Variants in GASK1A observed in about 807,000 individuals in gnomAD.
GASK1A encodes the protein golgi associated kinase 1A, also known as Golgi-associated kinase 1A.
In GASK1A, 40 loss-of-function variants were observed where a neutral mutation model predicts 41.2. That is an observed-to-expected ratio of 0.97 (90% CI 0.75 to 1.27). The LOEUF (loss-of-function observed/expected upper bound fraction) is 1.27, where lower values mean the gene tolerates loss of function less well. GASK1A is among the 50% of genes most tolerant of loss of function. The pLI is 0.00. For missense variants in GASK1A, 678 were observed against 745.1 expected (o/e 0.91, Z 1.05); for synonymous variants, 316 against 307.1 (o/e 1.03, Z -0.30).
chr3:43,037,613 AC>A (rs1212108557), intron 2 of GASK1A, among the ~76,000 whole-genome samples: 1 of 34,446 alleles, frequency 2.9e-5, no homozygotes. Context: ...TTTAAATGAT[AC>A]ATTTTTAATT....
intron 1 of GASK1A, among the ~76,000 whole-genome samples, chr3:42,985,220 A>G (rs1280975040): frequency 6.6e-6 from 1 of 152,174 alleles, no homozygotes; most frequent in East Asian, 1.9e-4. Context: ...ACTCGGTTAT[A>G]GGGGCCTCAC....
intron 1 of GASK1A, among the ~76,000 whole-genome samples, chr3:42,983,835 A>AC (rs1281108230): frequency 6.6e-6 from 1 of 152,170 alleles, no homozygotes; most frequent in African/African-American, 2.4e-5. Flanking sequence ...TAAAGAATCT[A>AC]CTGGCCCCAA....
At position 42,979,637 on chromosome 3, in the gene GASK1A, G is replaced by A. The variant is rs772362918; in HGVS notation, c.-6G>A. The A allele has an allele frequency of 1.8e-5, 23 of 1,244,726 alleles. No individual in the cohort carries two copies. Among genetic ancestry groups the A allele is most frequent in the African/African-American group, 4.7e-5 (3 of 64,454 alleles). The allele number at this position is 1,244,726 out of a possible 1,614,324, so 77.1% of individuals were successfully genotyped here. Reference sequence around the variant, plus strand: ...CCGAGGAGCCGGCCGGGGCACCGCCGGGGACATGGTAGGACTCGCGGGAAG... The same window carrying A: ...CCGAGGAGCCGGCCGGGGCACCGCCAGGGACATGGTAGGACTCGCGGGAAG... On this transcript the variant is annotated 5_prime_UTR_variant, in exon 1 of 5. Transcript: ENST00000430121.
chr3:43,022,251 A>G (rs1007985527), intron 1 of GASK1A, among the ~76,000 whole-genome samples: 4 of 151,882 alleles, frequency 2.6e-5, no homozygotes, highest in African/African-American at 9.7e-5. Flanking sequence ...TTCTTTTCCC[A>G]AAGCTTTACT....
chr3:42,990,147 GACTTTTGTCTATGTTGGGCAACATAA>G (rs552679525), intron 1 of GASK1A, among the ~76,000 whole-genome samples: 26 of 152,038 alleles, frequency 1.7e-4, no homozygotes, highest in Non-Finnish European at 3.2e-4. Flanking sequence ...GGGCAACATA[GACTTTTGTCTATGTTGGGCAACATAA>G]ACTTATGTAG....
intron 1 of GASK1A, among the ~76,000 whole-genome samples, chr3:43,009,673 C>T (rs777458011): frequency 6.6e-6 from 1 of 152,194 alleles, no homozygotes; most frequent in Non-Finnish European, 1.5e-5. Flanking sequence ...TATCTGGAGG[C>T]AACATCCTTC....
At chr3:43,047,958 G>A (rs971842589) in intron 2 of GASK1A, among the ~76,000 whole-genome samples, 2 of 152,130 alleles carry the variant, frequency 1.3e-5, no homozygotes, top group African/African-American at 4.8e-5. Flanking sequence ...TAGCTTACTG[G>A]TCTGGCGGCA....
intron 1 of GASK1A, among the ~76,000 whole-genome samples, chr3:43,002,231 C>T (rs997035631): frequency 6.6e-5 from 10 of 152,098 alleles, no homozygotes; most frequent in Admixed American, 6.5e-4. Context: ...TCCAACTCTG[C>T]GGTTTTATTT....
rs750955641 is a variant in GASK1A at position 43,053,509 on chromosome 3, G to A, written c.1291-12G>A. The A allele has an allele frequency of 1.3e-6, 2 of 1,530,478 alleles. No individual in the cohort carries two copies. The highest frequency in any genetic ancestry group is 1.4e-5 in the African/African-American group (1 of 72,454). The allele number at this position is 1,530,478 out of a possible 1,614,324, so 94.8% of individuals were successfully genotyped here. On this transcript the variant is annotated splice_polypyrimidine_tract_variant and intron_variant, in intron 2 of 4. Transcript: ENST00000430121. ...CCTGCCGCACCCCACCGAAGGCTGG[G>A]TGTCTCCACAGGTCCACGACCGCTT...
At chr3:43,055,366 G>A in intron 3 of GASK1A, 66 bp from the exon 4 acceptor site, 4 of 1,192,110 alleles carry the variant, frequency 3.4e-6, no homozygotes, top group Non-Finnish European at 4.9e-6. Context: ...TCTTGACCAA[G>A]TCCATAGGTG....
rs6778671 is a variant in GASK1A, at chr3:43,004,231, A to G, written c.3+24586A>G. ...TGGGGAGAGATGTCTGGGTCAGGCC[A>G]TGGAAAATAAAACCAGTTGACTTCA... On this transcript the variant is annotated intron_variant, in intron 1 of 4. Coordinates refer to ENST00000430121, the MANE Select transcript of GASK1A (RefSeq NM_001129908.3). 6.4e-3 allele frequency among the ~76,000 whole-genome samples: 978 copies of G among 152,302 alleles called. 15 individuals carry two copies. The highest frequency in any genetic ancestry group is 0.023 in the African/African-American group (942 of 41,564).
intron 1 of GASK1A, among the ~76,000 whole-genome samples, chr3:42,988,113 C>A (rs925602739): frequency 1.3e-5 from 2 of 152,036 alleles, no homozygotes; most frequent in Non-Finnish European, 2.9e-5. Flanking sequence ...TCTCCTCCAG[C>A]CAGTGTAGAC....
At chr3:43,039,234 ACT>A (rs2089622468) in intron 2 of GASK1A, among the ~76,000 whole-genome samples, 1 of 125,760 alleles carries the variant, frequency 8.0e-6, no homozygotes. Flanking sequence ...ATGGAGTCTG[ACT>A]CTGTCGCCCA....
At chr3:43,041,555 G>A (rs1024506315) in intron 2 of GASK1A, among the ~76,000 whole-genome samples, 8 of 152,084 alleles carry the variant, frequency 5.3e-5, no homozygotes, top group African/African-American at 1.9e-4. Flanking sequence ...CTTTTATTTC[G>A]TTACATGTTC....
At chr3:43,051,530 A>G (rs934290273) in intron 2 of GASK1A, among the ~76,000 whole-genome samples, 1 of 152,194 alleles carries the variant, frequency 6.6e-6, no homozygotes, top group African/African-American at 2.4e-5. Flanking sequence ...AGTCCTACAC[A>G]TGTGCATGTG....
At chr3:42,997,442 G>GGC (rs2089382664) in intron 1 of GASK1A, among the ~76,000 whole-genome samples, 3 of 151,998 alleles carry the variant, frequency 2.0e-5, no homozygotes, top group Admixed American at 6.6e-5. Context: ...GAGAGAGGGG[G>GGC]GGGGGATCTG....
intron 1 of GASK1A, among the ~76,000 whole-genome samples, chr3:43,008,143 A>G: frequency 6.6e-6 from 1 of 152,248 alleles, no homozygotes; most frequent in East Asian, 1.9e-4. Context: ...TGAGGCTGTA[A>G]GAAACTGACA....
chr3:43,030,917 T>C (rs563268384), intron 1 of GASK1A, among the ~76,000 whole-genome samples: 22 of 152,230 alleles, frequency 1.4e-4, no homozygotes, highest in African/African-American at 5.1e-4. Flanking sequence ...TCCCGGATAA[T>C]CCCCTTTTGA....
At chr3:43,049,894 T>G (rs2125691929) in intron 2 of GASK1A, among the ~76,000 whole-genome samples, 2 of 151,484 alleles carry the variant, frequency 1.3e-5, no homozygotes, top group South Asian at 4.3e-4. Flanking sequence ...TTCAATAGTG[T>G]AAAAAGACTT....
Sources: gnomAD v4.1 joint callset for allele counts (sites outside exome capture counted in the v4.1 genomes callset) on GRCh38, gnomAD v4.1.1 for gene constraint, MANE v1.5 for transcripts, NCBI Gene and HGNC (gene_info 2026-07-23, HGNC 2026-07-21) for gene names.